Variants in DYM observed in about 807,000 individuals in gnomAD.
DYM encodes the protein dyggve-Melchior-Clausen syndrome protein.
Under a neutral mutation model 93.1 loss-of-function variants are expected in DYM, and 78 were observed. That is an observed-to-expected ratio of 0.84 (90% CI 0.70 to 1.01). The LOEUF is 1.01. Ranked by LOEUF, DYM falls within the 50% of genes least tolerant of loss-of-function variation. DYM has a pLI of 0.00. For synonymous variants in DYM, 321 were observed against 319.7 expected (o/e 1.00, Z -0.04); for missense variants, 789 against 845.0 (o/e 0.93, Z 0.82).
chr18:49,458,237 T>C (rs111389493), intron 1 of DYM, among the ~76,000 whole-genome samples: 128 of 152,260 alleles, frequency 8.4e-4, no homozygotes, highest in African/African-American at 2.9e-3. Context: ...TGTTGTAACA[T>C]ATTTCACTTC....
At chr18:49,314,506 G>A (rs1242863953) in intron 8 of DYM, among the ~76,000 whole-genome samples, 1 of 152,206 alleles carries the variant, frequency 6.6e-6, no homozygotes. Flanking sequence ...GTGTTAAAGA[G>A]TAGATACATA....
At chr18:49,394,391 GT>G (rs150178114) in intron 2 of DYM, among the ~76,000 whole-genome samples, 3 of 151,210 alleles carry the variant, frequency 2.0e-5, no homozygotes, top group South Asian at 4.2e-4. Context: ...TCATTTGTCT[GT>G]TTTTTTTTAT....
chr18:49,280,377 G>A (rs530274774), intron 10 of DYM, among the ~76,000 whole-genome samples: 8 of 152,330 alleles, frequency 5.3e-5, no homozygotes, highest in African/African-American at 1.9e-4. Context: ...GCCTGCCAGA[G>A]TGGGTGGGAT....
chr18:49,114,815 GGTTACTAAGAAC>G lies in DYM; in HGVS notation c.1911+3917_1911+3928del, dbSNP rs2081779430. 2.0e-5 allele frequency among the ~76,000 whole-genome samples: 3 copies of G among 152,146 alleles called. No homozygotes were observed. The East Asian group carries it at 5.8e-4, about 29-fold the overall frequency. On this transcript the variant is annotated intron_variant, in intron 16 of 17. Coordinates refer to ENST00000675505, the MANE Select transcript of DYM (RefSeq NM_001353214.3). The stretch of plus-strand genomic sequence containing the variant: ...ACATTTTTAAGGATATCAATTGCCT[GGTTACTAAGAAC>G]GTTCCTCATTGCACCACTGATGGAA...
chr18:49,148,391 A>T (rs1251222663), intron 15 of DYM, among the ~76,000 whole-genome samples: 2 of 152,098 alleles, frequency 1.3e-5, no homozygotes, highest in Admixed American at 6.6e-5. Context: ...GTACTTTAAG[A>T]TACATTTTAA....
intron 14 of DYM, among the ~76,000 whole-genome samples, chr18:49,199,683 A>G (rs1008642327): frequency 6.6e-6 from 1 of 152,228 alleles, no homozygotes; most frequent in South Asian, 2.1e-4. Context: ...AATTATTACT[A>G]TAGCTTCAAG....
chr18:49,129,600 T>G (rs2083190552), intron 15 of DYM, among the ~76,000 whole-genome samples: 2 of 152,206 alleles, frequency 1.3e-5, no homozygotes, highest in Admixed American at 6.5e-5. Context: ...TCTTGAAACC[T>G]GAAACCCAGA....
At position 49,108,527 on chromosome 18, in the gene DYM, C is replaced by T. The variant is rs896240625; in HGVS notation, c.1911+10217G>A. Reference sequence around the variant, plus strand: ...CTGGGAGCTGTAGACTGGAGCTGTTCCTATTCGGCCATCTTGGCTCTTCTT... The same window carrying T: ...CTGGGAGCTGTAGACTGGAGCTGTTTCTATTCGGCCATCTTGGCTCTTCTT... On this transcript the variant is annotated intron_variant, in intron 16 of 17. Coordinates refer to ENST00000675505, the MANE Select transcript of DYM (RefSeq NM_001353214.3). 2.0e-5 allele frequency among the ~76,000 whole-genome samples: 3 copies of T among 152,214 alleles called. No homozygotes were observed. The South Asian group carries it at 6.2e-4, about 32-fold the overall frequency.
Position 49,080,151 on chromosome 18 carries a change from G to GGGGGGT in DYM, c.2025+17250_2025+17251insACCCCC, listed in dbSNP as rs1555742976. The stretch of plus-strand genomic sequence containing the variant: ...TCCCTCCCGGACGGGGCGGCTGGCC[G>GGGGGGT]GGGGGGGGCTGACCCCCCCACCTCC... On this transcript the variant is annotated intron_variant, in intron 17 of 17. Transcript: ENST00000675505. 1.1e-4 allele frequency among the ~76,000 whole-genome samples: 2 copies of GGGGGGT among 18,902 alleles called. 1 individual carries two copies. The highest frequency in any genetic ancestry group is 2.8e-3 in the East Asian group (2 of 712). The allele number at this position is 18,902 out of a possible 152,430, so 12.4% of individuals were successfully genotyped here. A position where few individuals can be genotyped will look rare whatever the true frequency, so the allele number is the denominator to read the frequency against.
At chr18:49,448,390 G>A (rs2148674379) in intron 1 of DYM, among the ~76,000 whole-genome samples, 1 of 152,262 alleles carries the variant, frequency 6.6e-6, no homozygotes, top group East Asian at 1.9e-4. Flanking sequence ...GTTCAATCTA[G>A]CACATCCCCT....
intron 6 of DYM, among the ~76,000 whole-genome samples, chr18:49,359,525 TA>T (rs1484077865): frequency 6.6e-6 from 1 of 152,234 alleles, no homozygotes; most frequent in African/African-American, 2.4e-5. Context: ...TCTGGGAGTT[TA>T]TTTCAAGTAT....
chr18:49,182,335 C>T (rs2090003807), intron 14 of DYM, among the ~76,000 whole-genome samples: 2 of 152,064 alleles, frequency 1.3e-5, no homozygotes, highest in African/African-American at 4.8e-5. Flanking sequence ...TTAAGTCTTC[C>T]ACACTCTTAC....
At chr18:49,252,336 G>A (rs1313483209) in intron 13 of DYM, among the ~76,000 whole-genome samples, 1 of 150,934 alleles carries the variant, frequency 6.6e-6, no homozygotes, top group Non-Finnish European at 1.5e-5. Context: ...CTTACATCAT[G>A]GTGGAAGGTG....
chr18:49,254,017 T>C (rs1330142233), intron 13 of DYM, among the ~76,000 whole-genome samples: 2 of 152,060 alleles, frequency 1.3e-5, no homozygotes, highest in East Asian at 1.9e-4. Context: ...ATTTTCTACA[T>C]ATAAATCATG....
intron 11 of DYM, among the ~76,000 whole-genome samples, chr18:49,259,198 C>T (rs1412932912): frequency 6.6e-6 from 1 of 152,116 alleles, no homozygotes; most frequent in Admixed American, 6.5e-5. Flanking sequence ...GCAGACTCCC[C>T]ACCACTCACA....
chr18:49,433,694 C>A (rs773945016), intron 1 of DYM, among the ~76,000 whole-genome samples: 1 of 152,064 alleles, frequency 6.6e-6, no homozygotes, highest in Non-Finnish European at 1.5e-5. Context: ...ATAGTGAAAA[C>A]CCGTCTCTAC....
chr18:49,203,226 T>TTGGG (rs1555798936), intron 14 of DYM, among the ~76,000 whole-genome samples: 1 of 37,668 alleles, frequency 2.7e-5, no homozygotes, highest in African/African-American at 7.3e-5. Context: ...GGGAGGGAGG[T>TTGGG]GGGGGGGGTC....
chr18:49,321,292 AT>A (rs1278825045), intron 8 of DYM: 1 of 397,966 alleles, frequency 2.5e-6, no homozygotes, highest in Admixed American at 4.4e-5. Flanking sequence ...TGATTGCTTT[AT>A]TCTATATTCC....
At chr18:49,199,310 T>C (rs1000058327) in intron 14 of DYM, among the ~76,000 whole-genome samples, 2 of 152,198 alleles carry the variant, frequency 1.3e-5, no homozygotes, top group African/African-American at 4.8e-5. Context: ...CACACCAACA[T>C]GGCACATGTA....
Sources: allele counts gnomAD v4.1 joint callset (sites outside exome capture counted in the v4.1 genomes callset), GRCh38; gene constraint gnomAD v4.1.1; transcripts MANE v1.5; gene names NCBI Gene and HGNC (gene_info 2026-07-23, HGNC 2026-07-21).